The following JARID2 variants were observed in gnomAD, a reference collection of about 807,000 sequenced individuals.
JARID2 encodes jumonji and AT-rich interaction domain containing 2, also known as protein Jumonji.
Under a neutral mutation model 125.6 loss-of-function variants are expected in JARID2, and 21 were observed. The observed-to-expected ratio is 0.17, with a 90% CI of 0.12 to 0.24. JARID2 has a LOEUF of 0.24. Ranked by LOEUF, JARID2 falls within the 10% of genes least tolerant of loss-of-function variation. The pLI, the probability that JARID2 is intolerant of heterozygous loss-of-function variation, is 1.00. For missense variants in JARID2, 1,303 were observed against 1,639.6 expected (o/e 0.79, Z 3.55); for synonymous variants, 736 against 661.6 (o/e 1.11, Z -1.73).
intron 5 of JARID2, among the ~76,000 whole-genome samples, chr6:15,481,994 G>A (rs570439303): frequency 1.3e-4 from 20 of 152,304 alleles, no homozygotes; most frequent in Middle Eastern, 6.8e-3. Flanking sequence ...TTCCTGAGCA[G>A]TAGGTTTTGT....
At chr6:15,446,939 T>C (rs887666047) in intron 3 of JARID2, among the ~76,000 whole-genome samples, 4 of 152,208 alleles carry the variant, frequency 2.6e-5, no homozygotes, top group Non-Finnish European at 1.5e-5. Flanking sequence ...ATCCAAGCTA[T>C]GTGACCCAGG....
At chr6:15,447,378 A>G (rs543818273) in intron 3 of JARID2, among the ~76,000 whole-genome samples, 1 of 80,612 alleles carries the variant, frequency 1.2e-5, no homozygotes, top group South Asian at 4.3e-4. Flanking sequence ...TGAAGAATTA[A>G]TAAAAAAAAC....
At chr6:15,464,608 A>T (rs1169330943) in intron 4 of JARID2, among the ~76,000 whole-genome samples, 4 of 152,108 alleles carry the variant, frequency 2.6e-5, no homozygotes, top group African/African-American at 9.7e-5. Context: ...GTACAAGCTT[A>T]ACCTCTGAAC....
chr6:15,394,244 A>T (rs1358064019), intron 2 of JARID2, among the ~76,000 whole-genome samples: 2 of 152,198 alleles, frequency 1.3e-5, no homozygotes, highest in African/African-American at 4.8e-5. Flanking sequence ...CCTCAGGCTT[A>T]CGCAGCCCTG....
intron 3 of JARID2, among the ~76,000 whole-genome samples, chr6:15,410,876 C>T (rs1765846990): frequency 6.6e-6 from 1 of 152,120 alleles, no homozygotes; most frequent in South Asian, 2.1e-4. Flanking sequence ...AAACTTAGAA[C>T]AGCAGTTATT....
At chr6:15,272,226 T>C (rs1043980259) in intron 1 of JARID2, among the ~76,000 whole-genome samples, 5 of 152,232 alleles carry the variant, frequency 3.3e-5, no homozygotes, top group African/African-American at 1.2e-4. Context: ...CCCGTGGCCC[T>C]CTATGTTGTC....
intron 2 of JARID2, among the ~76,000 whole-genome samples, chr6:15,391,771 T>TG (rs1765019351): frequency 6.6e-6 from 1 of 152,222 alleles, no homozygotes; most frequent in Non-Finnish European, 1.5e-5. Context: ...ATGCCTTCAC[T>TG]GGCATCCTCC....
At chr6:15,505,386 C>G (rs573021413) in intron 9 of JARID2, 1 of 140,588 alleles carries the variant, frequency 7.1e-6, no homozygotes, top group Non-Finnish European at 1.5e-5. Context: ...CCACCTGTTT[C>G]AAATAAAATC....
At chr6:15,421,123 C>G (rs1291987653) in intron 3 of JARID2, among the ~76,000 whole-genome samples, 1 of 152,104 alleles carries the variant, frequency 6.6e-6, no homozygotes, top group African/African-American at 2.4e-5. Context: ...CTCTGCTTGC[C>G]CTTTCCGTAA....
intron 13 of JARID2, 96 bp from the exon 14 acceptor site, chr6:15,512,112 G>C (rs180730750): frequency 1.8e-4 from 181 of 989,254 alleles, no homozygotes; most frequent in Middle Eastern, 7.7e-4. Flanking sequence ...TTATCTCCTT[G>C]AGAGCAGGCC....
intron 5 of JARID2, among the ~76,000 whole-genome samples, chr6:15,469,096 T>C (rs1255536929): frequency 3.3e-5 from 5 of 151,994 alleles, no homozygotes; most frequent in Admixed American, 3.3e-4. Context: ...AAAATTATCA[T>C]TCCTCCTATG....
At chr6:15,254,935 G>C (rs1759599763) in intron 1 of JARID2, among the ~76,000 whole-genome samples, 1 of 151,656 alleles carries the variant, frequency 6.6e-6, no homozygotes, top group Admixed American at 6.6e-5. Context: ...CCAGCTACTT[G>C]GAAGGCCGAG....
At chr6:15,281,225 T>C (rs558368909) in intron 1 of JARID2, among the ~76,000 whole-genome samples, 2 of 152,346 alleles carry the variant, frequency 1.3e-5, no homozygotes, top group East Asian at 3.9e-4. Flanking sequence ...GCAACCCTTT[T>C]ATTCTAATAA....
chr6:15,500,363 G>A (rs958462972), intron 7 of JARID2, among the ~76,000 whole-genome samples: 2 of 152,206 alleles, frequency 1.3e-5, no homozygotes, highest in African/African-American at 4.8e-5. Context: ...CTTTGTGTGA[G>A]TGAGTGGGTG....
At chr6:15,274,552 A>G (rs1180738358) in intron 1 of JARID2, among the ~76,000 whole-genome samples, 3 of 152,228 alleles carry the variant, frequency 2.0e-5, no homozygotes, top group Non-Finnish European at 4.4e-5. Context: ...TCCTTCATTC[A>G]GATAATTTAA....
At chr6:15,411,554 A>T (rs552707498) in intron 3 of JARID2, among the ~76,000 whole-genome samples, 17 of 152,272 alleles carry the variant, frequency 1.1e-4, no homozygotes, top group Non-Finnish European at 2.2e-4. Context: ...TTTGTATGTC[A>T]CTCCTTTAAA....
At chr6:15,296,997 T>G (rs1309007385) in intron 1 of JARID2, among the ~76,000 whole-genome samples, 2 of 152,234 alleles carry the variant, frequency 1.3e-5, no homozygotes, top group Non-Finnish European at 2.9e-5. Context: ...CCCTCCTAGT[T>G]TGAGTAACTG....
At chr6:15,292,882 T>C (rs1441893849) in intron 1 of JARID2, among the ~76,000 whole-genome samples, 2 of 152,212 alleles carry the variant, frequency 1.3e-5, no homozygotes, top group African/African-American at 4.8e-5. Context: ...TTGTCTAATC[T>C]GGTATTGAAC....
At chr6:15,382,011 C>G (rs950952922) in intron 2 of JARID2, among the ~76,000 whole-genome samples, 1 of 152,216 alleles carries the variant, frequency 6.6e-6, no homozygotes, top group Non-Finnish European at 1.5e-5. Context: ...GGGCTGGGTA[C>G]TGTGGCTCAC....
Sources: allele counts gnomAD v4.1 joint callset (sites outside exome capture counted in the v4.1 genomes callset), GRCh38; gene constraint gnomAD v4.1.1; transcripts MANE v1.5; gene names NCBI Gene and HGNC (gene_info 2026-07-23, HGNC 2026-07-21).